IGSF3: variants seen among roughly 807,000 people sequenced by gnomAD.
IGSF3 encodes glu-Trp-Ile EWI motif-containing protein 3.
In IGSF3, 23 loss-of-function variants were observed where a neutral mutation model predicts 114.4. The ratio of observed to expected loss-of-function variants is 0.20; its 90% confidence interval spans 0.14 to 0.28. The LOEUF is 0.28. Ranked by LOEUF, IGSF3 falls within the 10% of genes least tolerant of loss-of-function variation. The pLI is 1.00. For synonymous variants in IGSF3, 571 were observed against 645.2 expected, an observed-to-expected ratio of 0.88 and a Z score of 1.74; for missense variants, 1,172 against 1,591.5, an observed-to-expected ratio of 0.74 and a Z score of 4.48.
chr1:116,629,242 G>A lies in IGSF3; in HGVS notation c.44-12785C>T, dbSNP rs1225717757. Among the ~76,000 whole-genome samples the A allele has an allele frequency of 8.5e-5, 13 of 152,172 alleles. No individual in the cohort carries two copies. Among genetic ancestry groups the A allele is most frequent in the Admixed American group, 8.5e-4 (13 of 15,274 alleles). ...GCTGAAAGCACACTACTAAGTAAAA[G>A]GGGAGAAAGGCTATAAAAGGATTTG... is the stretch of plus-strand genomic sequence containing the variant. On this transcript the variant is annotated intron_variant, in intron 2 of 10. Coordinates refer to ENST00000369486, the MANE Select transcript of IGSF3 (RefSeq NM_001007237.3). This position sits in a 1 kb window ranked among gnomAD's most constrained non-coding sequence, Gnocchi z 4.3.
At chr1:116,646,657 G>A (rs1287381242) in intron 2 of IGSF3, among the ~76,000 whole-genome samples, 6 of 152,234 alleles carry the variant, frequency 3.9e-5, no homozygotes, top group East Asian at 1.9e-4. Context: ...GCTACACTGA[G>A]ACAACAAAGG....
rs951916053 is a variant in IGSF3 at position 116,627,454 on chromosome 1, G to A, written c.44-10997C>T. 6.6e-6 allele frequency among the ~76,000 whole-genome samples: 1 copy of A among 152,144 alleles called. No homozygotes were observed. The highest frequency in any genetic ancestry group is 2.4e-5 in the African/African-American group (1 of 41,424). On this transcript the variant is annotated intron_variant, in intron 2 of 10. Transcript: ENST00000369486. The surrounding 1 kb of genome is among the most constrained non-coding windows in gnomAD (Gnocchi z 4.7). ...CCACCACCCTCTCCTAAAGAGGACT[G>A]GAATAACTTCCACAGCTCCTGCCAC...
In IGSF3 at chr1:116,584,831, T is replaced by C; in HGVS notation, c.2662A>G (p.Lys888Glu). 5.6e-6 allele frequency: 9 copies of C among 1,614,210 alleles called. No individual in the cohort carries two copies. Among genetic ancestry groups the C allele is most frequent in the Non-Finnish European group, 7.6e-6 (9 of 1,180,032 alleles). ...YGEQAAKNNL[K>E]GRLHLESPSP... ...GGACTCTCCAAATGCAGCCGCCCCT[T>C]CAGATTGTTCTTGGCTGCCTGCTCT... The change falls in exon 9 of 11, where the codon AAG becomes GAG. Residue 888 changes from lysine (K) to glutamate (E), a missense_variant. Lys to Glu is a moderately conservative substitution (Grantham distance 56). Coordinates refer to ENST00000369486, the MANE Select transcript of IGSF3 (RefSeq NM_001007237.3). This position sits in a 1 kb window ranked among gnomAD's most constrained non-coding sequence, Gnocchi z 5.8.
At position 116,589,282 on chromosome 1, in the gene IGSF3, C is replaced by T. The variant is rs145753350; in HGVS notation, c.2030-178G>A. ...GCCACCGCTAAACATCCTTCCCTGT[C>T]TCCTCCTTGCCATGCGCCTGGCTTA... On this transcript the variant is annotated intron_variant, in intron 7 of 10. Coordinates refer to ENST00000369486, the MANE Select transcript of IGSF3 (RefSeq NM_001007237.3). This position sits in a 1 kb window ranked among gnomAD's most constrained non-coding sequence, Gnocchi z 5.7. Among the ~76,000 whole-genome samples, 2,981 of 151,440 alleles carry T rather than the reference C, an allele frequency of 0.02. 98 individuals are homozygous for T. The highest frequency in any genetic ancestry group is 0.07 in the African/African-American group (2,874 of 40,834).
In IGSF3 at chr1:116,667,025, G is replaced by A. The variant is rs571378467; in HGVS notation, c.-630-69C>T. The A allele has an allele frequency of 1.0e-5, 4 of 396,080 alleles. No individual in the cohort carries two copies. The East Asian group carries it at 1.4e-4, about 14-fold the overall frequency. 24.5% of individuals were successfully genotyped at this position (396,080 alleles called of 1,614,324 possible). On this transcript the variant is annotated intron_variant, in intron 1 of 10. Coordinates refer to ENST00000369486, the MANE Select transcript of IGSF3 (RefSeq NM_001007237.3). ...AAAACCCACTGGGGCTGAGCGCTGA[G>A]CTGGTCCGGACACCTGGGTCCGGTT...
Position 116,666,640 on chromosome 1 carries a change from C to A in IGSF3, c.-314G>T. On this transcript the variant is annotated 5_prime_UTR_variant, in exon 2 of 11. It introduces an in-frame stop codon into an upstream open reading frame of the 5' UTR. Coordinates refer to ENST00000369486, the MANE Select transcript of IGSF3 (RefSeq NM_001007237.3). ...TTGCAGACTGTAGTGGATTAATCCT[C>A]CAGAAGCACGGAAAAAAGGGTCTGA... 1 of 564,786 alleles carries A rather than the reference C, an allele frequency of 1.8e-6. No homozygotes were observed. Among genetic ancestry groups the A allele is most frequent in the African/African-American group, 1.9e-5 (1 of 53,296 alleles). 35.0% of individuals were successfully genotyped at this position (564,786 alleles called of 1,614,324 possible).
intron 2 of IGSF3, among the ~76,000 whole-genome samples, chr1:116,631,115 G>A (rs959145069): frequency 5.9e-5 from 9 of 151,776 alleles, no homozygotes; most frequent in African/African-American, 2.2e-4. Flanking sequence ...TCAGGAGATC[G>A]AGACCATCCT....
intron 6 of IGSF3, among the ~76,000 whole-genome samples, chr1:116,601,223 CAG>C (rs1405348078): frequency 1.3e-5 from 2 of 152,144 alleles, no homozygotes; most frequent in Admixed American, 6.5e-5. Context: ...GAAACTGATG[CAG>C]AGAGAGGTTA....
intron 4 of IGSF3, 125 bp from the exon 5 acceptor site, chr1:116,608,456 A>C: frequency 1.3e-6 from 1 of 743,448 alleles, no homozygotes; most frequent in Non-Finnish European, 2.2e-6. Flanking sequence ...GGAGGACCAC[A>C]GCACTTAGCT....
intron 2 of IGSF3, among the ~76,000 whole-genome samples, chr1:116,645,644 G>A (rs1301519802): frequency 6.6e-6 from 1 of 152,164 alleles, no homozygotes; most frequent in Non-Finnish European, 1.5e-5. Context: ...TTGTACAGGT[G>A]GCTGCATAAC....
At position 116,667,646 on chromosome 1, in the gene IGSF3, C is replaced by G; in HGVS notation, c.-659G>C. The stretch of plus-strand genomic sequence containing the variant: ...GCCCCTGGCCCTCTCCCTCCGCGCG[C>G]GTCGGACCGTCCTTCAGTCCATCCA... On this transcript the variant is annotated 5_prime_UTR_variant, in exon 1 of 11. Transcript: ENST00000369486. 1 of 151,560 alleles carries G rather than the reference C, an allele frequency of 6.6e-6. No individual in the cohort carries two copies. Among genetic ancestry groups the G allele is most frequent in the South Asian group, 2.0e-4 (1 of 4,988 alleles). The allele number at this position is 151,560 out of a possible 1,614,324, so 9.4% of individuals were successfully genotyped here. A position where few individuals can be genotyped will look rare whatever the true frequency, so the allele number is the denominator to read the frequency against.
chr1:116,598,294 C>A lies in IGSF3; in HGVS notation c.2029+1647G>T, dbSNP rs1660422853. Among the ~76,000 whole-genome samples, 1 of 152,134 alleles carries A rather than the reference C, an allele frequency of 6.6e-6. No homozygotes were observed. The highest frequency in any genetic ancestry group is 6.5e-5 in the Admixed American group (1 of 15,280). ...AAGGTGCAATTACAATCCTAATGTCCCACTCAATAATGCAGGCAAGTGGGT... is the reference window on the plus strand; with the variant it reads ...AAGGTGCAATTACAATCCTAATGTCACACTCAATAATGCAGGCAAGTGGGT... On this transcript the variant is annotated intron_variant, in intron 7 of 10. Transcript: ENST00000369486. This position sits in a 1 kb window ranked among gnomAD's most constrained non-coding sequence, Gnocchi z 4.3.
In IGSF3 at chr1:116,615,170, A is replaced by G. The variant is rs1661170587; in HGVS notation, c.421+910T>C. 6.6e-6 allele frequency among the ~76,000 whole-genome samples: 1 copy of G among 152,082 alleles called. No individual in the cohort carries two copies. The highest frequency in any genetic ancestry group is 2.4e-5 in the African/African-American group (1 of 41,404). The stretch of plus-strand genomic sequence containing the variant: ...ATGCCTGTAATCCCAGCTACTCGGG[A>G]GGCTGAGGCAGAAGAATTGCTTGAA... On this transcript the variant is annotated intron_variant, in intron 3 of 10. Transcript: ENST00000369486. This position sits in a 1 kb window ranked among gnomAD's most constrained non-coding sequence, Gnocchi z 4.3.
At chr1:116,621,952 T>G (rs563497435) in intron 2 of IGSF3, among the ~76,000 whole-genome samples, 3 of 152,326 alleles carry the variant, frequency 2.0e-5, no homozygotes, top group Admixed American at 6.5e-5. Flanking sequence ...GCAGGAGGTA[T>G]GACTCAGGAG....
In IGSF3 at chr1:116,579,307, T is replaced by C; in HGVS notation, c.3334+85A>G. 6.7e-7 allele frequency: 1 copy of C among 1,490,092 alleles called. No individual in the cohort carries two copies. Among genetic ancestry groups the C allele is most frequent in the Non-Finnish European group, 9.0e-7 (1 of 1,112,952 alleles). 92.3% of individuals were successfully genotyped at this position (1,490,092 alleles called of 1,614,324 possible). A position where few individuals can be genotyped will look rare whatever the true frequency, so the allele number is the denominator to read the frequency against. On this transcript the variant is annotated intron_variant, in intron 10 of 10. Transcript: ENST00000369486. The surrounding 1 kb of genome is among the most constrained non-coding windows in gnomAD (Gnocchi z 6.4). Reference sequence around the variant, plus strand: ...CCATGACAGTTAAGAAAACTGTTTATTAACCCATAATCAAGCTCAAATTTA... The same window carrying C: ...CCATGACAGTTAAGAAAACTGTTTACTAACCCATAATCAAGCTCAAATTTA...
chr1:116,587,191 A>C (rs896947717), intron 8 of IGSF3, among the ~76,000 whole-genome samples: 4 of 152,214 alleles, frequency 2.6e-5, no homozygotes, highest in Admixed American at 2.6e-4. Flanking sequence ...TTCTAGTAGA[A>C]GAGATAGAAA....
At chr1:116,640,301 C>T (rs1648032077) in intron 2 of IGSF3, among the ~76,000 whole-genome samples, 1 of 152,118 alleles carries the variant, frequency 6.6e-6, no homozygotes, top group Non-Finnish European at 1.5e-5. Flanking sequence ...TAACATTTTG[C>T]CACACCTGGT....
chr1:116,614,307 A>G lies in IGSF3; in HGVS notation c.422-132T>C. On this transcript the variant is annotated intron_variant, in intron 3 of 10. Coordinates refer to ENST00000369486, the MANE Select transcript of IGSF3 (RefSeq NM_001007237.3). This position sits in a 1 kb window ranked among gnomAD's most constrained non-coding sequence, Gnocchi z 4.5. ...CAGTCATCCTTGAACCATCGATTCA[A>G]GGCCACAGACAGCCCCAAATGCACA... is the stretch of plus-strand genomic sequence containing the variant. 1 of 701,476 alleles carries G rather than the reference A, an allele frequency of 1.4e-6. No homozygotes were observed. Among genetic ancestry groups the G allele is most frequent in the South Asian group, 1.9e-5 (1 of 53,014 alleles). The allele number at this position is 701,476 out of a possible 1,614,324, so 43.5% of individuals were successfully genotyped here. A position where few individuals can be genotyped will look rare whatever the true frequency, so the allele number is the denominator to read the frequency against.
intron 2 of IGSF3, among the ~76,000 whole-genome samples, chr1:116,659,751 G>A (rs536520387): frequency 7.2e-5 from 11 of 152,284 alleles, no homozygotes; most frequent in African/African-American, 2.6e-4. Context: ...AAGCAGCTGA[G>A]ACTACAGGTG....
Sources: allele counts gnomAD v4.1 joint callset (sites outside exome capture counted in the v4.1 genomes callset), GRCh38; gene constraint gnomAD v4.1.1; non-coding constraint Gnocchi (gnomAD v3.1); transcripts MANE v1.5; gene names NCBI Gene and HGNC (gene_info 2026-07-23, HGNC 2026-07-21).